NRF1: variants seen among roughly 807,000 people sequenced by gnomAD.
NRF1 encodes the protein nuclear respiratory factor 1.
A neutral mutation model predicts 58.5 loss-of-function variants in NRF1; 5 were observed. The observed-to-expected ratio is 0.09, with a 90% CI of 0.04 to 0.18. The LOEUF is 0.18. Among genes scored for constraint, NRF1 ranks in the 10% least tolerant of loss-of-function variants. The pLI is 1.00. For missense variants in NRF1, 288 were observed against 657.7 expected (o/e 0.44, Z 6.15); for synonymous variants, 224 against 246.7 (o/e 0.91, Z 0.86).
chr7:129,733,635 G>T (rs1262573557), intron 10 of NRF1, among the ~76,000 whole-genome samples: 1 of 152,166 alleles, frequency 6.6e-6, no homozygotes, highest in Non-Finnish European at 1.5e-5. Context: ...CACAGAGATG[G>T]ACCAGGTGAG....
chr7:129,671,367 G>T lies in NRF1; in HGVS notation c.224-62G>T, dbSNP rs1441900288. ...TGCTACCTTTTTTGTACCTTTAATT[G>T]TTTCTGTCTTGAACAGTTTACAGGC... On this transcript the variant is annotated intron_variant, in intron 2 of 10. Transcript: ENST00000393232. 7 of 999,942 alleles carry T rather than the reference G, an allele frequency of 7.0e-6. No homozygotes were observed. In the Admixed American group the frequency reaches 1.4e-4, roughly 20 times the overall value. 61.9% of individuals were successfully genotyped at this position (999,942 alleles called of 1,614,324 possible). A position where few individuals can be genotyped will look rare whatever the true frequency, so the allele number is the denominator to read the frequency against.
intron 2 of NRF1, among the ~76,000 whole-genome samples, chr7:129,664,145 G>A (rs1284186658): frequency 1.3e-5 from 2 of 151,864 alleles, no homozygotes; most frequent in African/African-American, 4.8e-5. Context: ...GGAGGGGGAG[G>A]GGGAAAGGGA....
chr7:129,632,287 C>T (rs772352416), intron 1 of NRF1, among the ~76,000 whole-genome samples: 12 of 151,954 alleles, frequency 7.9e-5, no homozygotes, highest in Admixed American at 2.0e-4. Flanking sequence ...AAAGAATTTT[C>T]TTATTATAAT....
intron 1 of NRF1, among the ~76,000 whole-genome samples, chr7:129,640,417 C>G (rs910673924): frequency 6.6e-6 from 1 of 151,968 alleles, no homozygotes; most frequent in African/African-American, 2.4e-5. Flanking sequence ...ACTCTGGAGG[C>G]TGAGGCAGGA....
At chr7:129,700,232 TG>T (rs1207785159) in intron 5 of NRF1, among the ~76,000 whole-genome samples, 1 of 152,068 alleles carries the variant, frequency 6.6e-6, no homozygotes, top group Non-Finnish European at 1.5e-5. Flanking sequence ...AAAATGATAA[TG>T]TTATGTTATG....
At chr7:129,646,105 A>G (rs1801400270) in intron 1 of NRF1, among the ~76,000 whole-genome samples, 1 of 152,138 alleles carries the variant, frequency 6.6e-6, no homozygotes, top group Non-Finnish European at 1.5e-5. Context: ...CTGCCTCCCA[A>G]GGTGTTAGGA....
intron 6 of NRF1, among the ~76,000 whole-genome samples, chr7:129,709,578 AATC>A (rs1011049469): frequency 4.6e-5 from 7 of 152,164 alleles, no homozygotes; most frequent in Non-Finnish European, 8.8e-5. Flanking sequence ...GGTTACTAAA[AATC>A]ATTGTTGAAA....
At chr7:129,654,564 A>G (rs185897067) in intron 1 of NRF1, among the ~76,000 whole-genome samples, 1 of 152,188 alleles carries the variant, frequency 6.6e-6, no homozygotes, top group South Asian at 2.1e-4. Flanking sequence ...ATTTTCTCCT[A>G]TGTTATCTTA....
At chr7:129,745,138 T>C (rs1322632531) in intron 10 of NRF1, among the ~76,000 whole-genome samples, 1 of 152,224 alleles carries the variant, frequency 6.6e-6, no homozygotes, top group African/African-American at 2.4e-5. Flanking sequence ...TTTCTTCTTC[T>C]GAGGTTTGTC....
intron 1 of NRF1, among the ~76,000 whole-genome samples, chr7:129,619,433 T>TATGTATATAC (rs1554401492): frequency 1.5e-5 from 1 of 65,874 alleles, no homozygotes; most frequent in African/African-American, 8.2e-5. Flanking sequence ...TATATATATA[T>TATGTATATAC]ACACACACAC....
chr7:129,677,007 ATTTTTT>A (rs56059756), intron 3 of NRF1, among the ~76,000 whole-genome samples: 1 of 113,546 alleles, frequency 8.8e-6, no homozygotes, highest in African/African-American at 3.2e-5. Flanking sequence ...TCTTGGTTGC[ATTTTTT>A]TTTTTTTTTT....
rs1450240988 is a variant in NRF1, at chr7:129,671,446, G to A, written c.241G>A (p.Ala81Thr). The change falls in exon 3 of 11, where the codon GCT becomes ACT. Residue 81 changes from alanine to threonine, a missense_variant. Coordinates refer to ENST00000393232, the MANE Select transcript of NRF1 (RefSeq NM_005011.5). ...LAAAGPVGMA[A>T]AAAVATGKKR... ...TATTTCAGGTCCTGTGGGAATGGCC[G>A]CTGCTGCTGCTGTGGCAACAGGAAA... The A allele has an allele frequency of 6.2e-7, 1 of 1,604,578 alleles. No individual in the cohort carries two copies. Among genetic ancestry groups the A allele is most frequent in the Non-Finnish European group, 8.5e-7 (1 of 1,172,024 alleles).
Position 129,690,464 on chromosome 7 carries a change from C to T in NRF1, c.524C>T (p.Ala175Val), listed in dbSNP as rs1802539949. ...CTGGAGTCTGCTCTGGCAGAACACG[C>T]CCCTGCGCCACAGGAGGTTAACTCA... Reference protein sequence around the residue: ...EDLESALAEHAPAPQEVNSEL... With the variant: ...EDLESALAEHVPAPQEVNSEL... Residue 175 changes from alanine to valine, a missense_variant, in exon 5 of 11, where the codon GCC (alanine) becomes GTC (valine). This residue lies in a region of NRF1 where 212 missense variants were observed against 559.7 expected (regional missense o/e 0.38). Transcript: ENST00000393232. The T allele has an allele frequency of 6.2e-7, 1 of 1,614,144 alleles. No individual in the cohort carries two copies.
chr7:129,659,489 C>T (rs890723870), intron 2 of NRF1, among the ~76,000 whole-genome samples: 5 of 152,148 alleles, frequency 3.3e-5, no homozygotes, highest in Non-Finnish European at 5.9e-5. Flanking sequence ...TTTGCTTTAA[C>T]ATGGATCTGC....
intron 1 of NRF1, among the ~76,000 whole-genome samples, chr7:129,627,401 C>T (rs1235031603): frequency 1.3e-5 from 2 of 151,468 alleles, no homozygotes; most frequent in Admixed American, 6.6e-5. Context: ...TTATTTTTTT[C>T]GTAGATACAA....
chr7:129,669,593 A>G (rs776036073), intron 2 of NRF1, among the ~76,000 whole-genome samples: 10 of 152,246 alleles, frequency 6.6e-5, no homozygotes, highest in Non-Finnish European at 1.3e-4. Flanking sequence ...ATAACTCAAT[A>G]TAAAAAATGG....
intron 4 of NRF1, among the ~76,000 whole-genome samples, chr7:129,683,332 A>T (rs867884440): frequency 1.3e-5 from 2 of 150,816 alleles, no homozygotes; most frequent in Non-Finnish European, 3.0e-5. Flanking sequence ...AGAGAGAGAG[A>T]GAGAGAGAGA....
At chr7:129,679,594 ATG>A (rs1802259965) in intron 4 of NRF1, among the ~76,000 whole-genome samples, 1 of 150,958 alleles carries the variant, frequency 6.6e-6, no homozygotes, top group Non-Finnish European at 1.5e-5. Flanking sequence ...CTGGTGGCAC[ATG>A]CCTGTAGTCC....
chr7:129,652,656 G>C (rs374758186), intron 1 of NRF1, among the ~76,000 whole-genome samples: 21 of 152,188 alleles, frequency 1.4e-4, no homozygotes, highest in Non-Finnish European at 2.6e-4. Flanking sequence ...GAGTGCAGTG[G>C]CGCATCTCAC....
Sources: gnomAD v4.1 joint callset for allele counts (sites outside exome capture counted in the v4.1 genomes callset) on GRCh38, gnomAD v4.1.1 for gene constraint, gnomAD v4.1.1 regional missense constraint, MANE v1.5 for transcripts, NCBI Gene and HGNC (gene_info 2026-07-23, HGNC 2026-07-21) for gene names.